Variants in TRPC6 observed in about 807,000 individuals in gnomAD.
TRPC6 encodes the protein short transient receptor potential channel 6.
TRPC6 carries 55 observed loss-of-function variants against 90.7 expected under a neutral mutation model. The ratio of observed to expected loss-of-function variants is 0.61; its 90% CI spans 0.49 to 0.76. TRPC6 has a LOEUF of 0.76. Ranked by LOEUF, TRPC6 falls within the 30% of genes least tolerant of loss-of-function variation. TRPC6 has a pLI of 0.00. For synonymous variants in TRPC6, 393 were observed against 393.0 expected (o/e 1.00, Z 0.00); for missense variants, 989 against 1,122.7 (o/e 0.88, Z 1.70).
In TRPC6 at chr11:101,452,701, C is replaced by T. The variant is rs552429473; in HGVS notation, c.*254G>A. ...CATCATCACAAGAGTTAGTTATATC[C>T]AAGAAAGCAGTTTATAAAACAAGCA... On this transcript the variant is annotated 3_prime_UTR_variant, in exon 13 of 13. Transcript: ENST00000344327. 1 of 470,422 alleles carries T rather than the reference C, an allele frequency of 2.1e-6. No homozygotes were observed. Among genetic ancestry groups the T allele is most frequent in the Non-Finnish European group, 3.9e-6 (1 of 259,194 alleles). 29.1% of individuals were successfully genotyped at this position (470,422 alleles called of 1,614,324 possible).
At chr11:101,559,111 T>G (rs1861653843) in intron 1 of TRPC6, among the ~76,000 whole-genome samples, 1 of 152,098 alleles carries the variant, frequency 6.6e-6, no homozygotes, top group Non-Finnish European at 1.5e-5. Context: ...TTGCAAGCCA[T>G]ATATATAAGG....
At chr11:101,553,674 A>G (rs145278642) in intron 1 of TRPC6, among the ~76,000 whole-genome samples, 130 of 152,254 alleles carry the variant, frequency 8.5e-4, no homozygotes, top group African/African-American at 3.0e-3. Flanking sequence ...AACTTAGCAT[A>G]CACTGGATCA....
chr11:101,453,819 G>T, intron 11 of TRPC6, 94 bp from the exon 12 acceptor site: 1 of 1,182,444 alleles, frequency 8.5e-7, no homozygotes, highest in East Asian at 2.4e-5. Context: ...TCCCTGTAGT[G>T]AGCCCTTTGG....
intron 1 of TRPC6, among the ~76,000 whole-genome samples, chr11:101,551,583 C>T (rs1181946976): frequency 6.6e-6 from 1 of 151,944 alleles, no homozygotes; most frequent in Non-Finnish European, 1.5e-5. Flanking sequence ...CATAAAGCTG[C>T]ACATTTTTTC....
intron 7 of TRPC6, 146 bp from the exon 8 acceptor site, chr11:101,472,478 T>C: frequency 1.3e-6 from 1 of 746,300 alleles, no homozygotes; most frequent in Non-Finnish European, 2.1e-6. Context: ...ACTTTTCTTT[T>C]CTGTAAAATG....
chr11:101,505,645 G>GA (rs201354222), intron 1 of TRPC6, among the ~76,000 whole-genome samples: 2,049 of 152,176 alleles, frequency 0.013, 45 homozygotes, highest in African/African-American at 0.047. Flanking sequence ...TGTCAGGTAG[G>GA]AAAAAACACT....
chr11:101,505,291 T>G (rs7935702), intron 1 of TRPC6, among the ~76,000 whole-genome samples: 1 of 151,974 alleles, frequency 6.6e-6, no homozygotes, highest in Non-Finnish European at 1.5e-5. Context: ...AAAAAACAAA[T>G]AGATGCTTTT....
chr11:101,561,603 G>C (rs980998181), intron 1 of TRPC6, among the ~76,000 whole-genome samples: 4 of 151,980 alleles, frequency 2.6e-5, no homozygotes, highest in Non-Finnish European at 4.4e-5. Context: ...TTGCTATATA[G>C]AGGCACTGAC....
chr11:101,499,055 G>A (rs553465963), intron 2 of TRPC6, among the ~76,000 whole-genome samples: 14 of 152,250 alleles, frequency 9.2e-5, no homozygotes, highest in African/African-American at 3.4e-4. Context: ...CATTTTTTAT[G>A]ACTTTGCCTC....
At chr11:101,574,682 A>G (rs1862036673) in intron 1 of TRPC6, among the ~76,000 whole-genome samples, 1 of 151,686 alleles carries the variant, frequency 6.6e-6, no homozygotes, top group Non-Finnish European at 1.5e-5. Context: ...AGCTTTTTAT[A>G]GCTGCTTCTG....
intron 2 of TRPC6, among the ~76,000 whole-genome samples, chr11:101,492,955 G>A (rs988253641): frequency 6.6e-6 from 1 of 152,176 alleles, no homozygotes; most frequent in African/African-American, 2.4e-5. Flanking sequence ...TTGTAGTTTT[G>A]TAGTTTGTTG....
chr11:101,491,999 C>G (rs912008702), intron 2 of TRPC6, among the ~76,000 whole-genome samples: 1 of 151,732 alleles, frequency 6.6e-6, no homozygotes, highest in African/African-American at 2.4e-5. Context: ...CGCCACCACG[C>G]CCGGCTAATT....
chr11:101,483,425 AAATATAT>A (rs1247563065), intron 4 of TRPC6, among the ~76,000 whole-genome samples: 1 of 152,240 alleles, frequency 6.6e-6, no homozygotes, highest in Non-Finnish European at 1.5e-5. Context: ...TAAATTCTTA[AAATATAT>A]AATATCGTTG....
chr11:101,453,471 G>C lies in TRPC6; in HGVS notation c.2644+179C>G, dbSNP rs147243902. On this transcript the variant is annotated intron_variant, in intron 12 of 12. Coordinates refer to ENST00000344327, the MANE Select transcript of TRPC6 (RefSeq NM_004621.6). Reference sequence around the variant, plus strand: ...TAGCAAGTGGCACCTGTCCCCGCCTGTGGAGACATAGCCTGTTCCCCACTC... The same window carrying C: ...TAGCAAGTGGCACCTGTCCCCGCCTCTGGAGACATAGCCTGTTCCCCACTC... Among the ~76,000 whole-genome samples the C allele has an allele frequency of 2.0e-4, 31 of 152,248 alleles. No homozygotes were observed. The East Asian group carries it at 5.4e-3, about 27-fold the overall frequency.
intron 10 of TRPC6, among the ~76,000 whole-genome samples, chr11:101,455,951 C>A (rs1400264143): frequency 6.6e-6 from 1 of 151,876 alleles, no homozygotes; most frequent in South Asian, 2.1e-4. Context: ...ATGGTAACAG[C>A]TCAATTATGA....
At chr11:101,526,468 T>C (rs1159992906) in intron 1 of TRPC6, among the ~76,000 whole-genome samples, 1 of 152,258 alleles carries the variant, frequency 6.6e-6, no homozygotes, top group African/African-American at 2.4e-5. Context: ...AGTTGTTTTC[T>C]TACTGAGTGA....
At chr11:101,559,024 T>C (rs946906577) in intron 1 of TRPC6, among the ~76,000 whole-genome samples, 4 of 151,956 alleles carry the variant, frequency 2.6e-5, no homozygotes, top group African/African-American at 9.7e-5. Context: ...CAAATGGGAT[T>C]ATATCAAACT....
rs1317098759 is a variant in TRPC6, at chr11:101,472,222, A to G, written c.2120T>C (p.Leu707Pro). Residue 707 changes from leucine to proline, a missense_variant, in exon 8 of 13, where the codon CTT becomes CCT. This residue lies in a region of TRPC6 where 118 missense variants were observed against 197.6 expected (regional missense o/e 0.60). Transcript: ENST00000344327. ...CATCGTAACATTATAGACTCCATAA[A>G]GAACGTAACCAATGTTTTCAATGAA... ...HKFIENIGYV[L>P]YGVYNVTMVI... 2 of 1,613,348 alleles carry G rather than the reference A, an allele frequency of 1.2e-6. No homozygotes were observed. The highest frequency in any genetic ancestry group is 1.7e-6 in the Non-Finnish European group (2 of 1,179,562).
At chr11:101,520,101 T>C (rs1177867785) in intron 1 of TRPC6, among the ~76,000 whole-genome samples, 2 of 152,088 alleles carry the variant, frequency 1.3e-5, no homozygotes, top group Non-Finnish European at 2.9e-5. Flanking sequence ...CCAAATCTCA[T>C]GTTGAATTGT....
Sources: allele counts gnomAD v4.1 joint callset (sites outside exome capture counted in the v4.1 genomes callset), GRCh38; gene constraint gnomAD v4.1.1; regional missense constraint gnomAD v4.1.1; transcripts MANE v1.5; gene names NCBI Gene and HGNC (gene_info 2026-07-23, HGNC 2026-07-21).